The following CCDC85A variants were observed in gnomAD, a reference collection of about 807,000 sequenced individuals.
The protein encoded by CCDC85A is coiled-coil domain-containing protein 85A.
Under a neutral mutation model 50.2 loss-of-function variants are expected in CCDC85A, and 38 were observed. The ratio of observed to expected loss-of-function variants is 0.76; its 90% confidence interval spans 0.58 to 0.99. The LOEUF is 0.99. Ranked by LOEUF, CCDC85A falls within the 50% of genes least tolerant of loss-of-function variation. The pLI is 0.00. For synonymous variants in CCDC85A, 366 were observed against 301.4 expected, an observed-to-expected ratio of 1.21 and a Z score of -2.22; for missense variants, 820 against 742.0, an observed-to-expected ratio of 1.11 and a Z score of -1.22.
intron 2 of CCDC85A, among the ~76,000 whole-genome samples, chr2:56,338,798 A>T: frequency 6.6e-6 from 1 of 151,616 alleles, no homozygotes; most frequent in Admixed American, 6.6e-5. Flanking sequence ...GGCTTTTCCT[A>T]TAGGGGCTTG....
intron 5 of CCDC85A, among the ~76,000 whole-genome samples, chr2:56,382,281 GT>G (rs1676623211): frequency 2.0e-5 from 3 of 151,894 alleles, no homozygotes; most frequent in African/African-American, 7.2e-5. Flanking sequence ...GAAAAATAAA[GT>G]TTTCCCATAA....
chr2:56,261,793 G>A (rs1316711022), intron 2 of CCDC85A, among the ~76,000 whole-genome samples: 2 of 152,156 alleles, frequency 1.3e-5, no homozygotes, highest in African/African-American at 4.8e-5. Flanking sequence ...TGGTTGGAGG[G>A]TGCAAATTGT....
intron 2 of CCDC85A, among the ~76,000 whole-genome samples, chr2:56,293,477 T>A (rs1371601063): frequency 1.3e-5 from 2 of 151,978 alleles, no homozygotes; most frequent in Admixed American, 1.3e-4. Context: ...AATTGACAAA[T>A]GGGATCTAAT....
At chr2:56,292,701 C>G (rs1313360374) in intron 2 of CCDC85A, among the ~76,000 whole-genome samples, 1 of 152,106 alleles carries the variant, frequency 6.6e-6, no homozygotes, top group Non-Finnish European at 1.5e-5. Context: ...GGACATGAGA[C>G]CCCTGGATAT....
chr2:56,235,682 A>G (rs534301660), intron 2 of CCDC85A, among the ~76,000 whole-genome samples: 1 of 152,230 alleles, frequency 6.6e-6, no homozygotes, highest in Non-Finnish European at 1.5e-5. Flanking sequence ...CAGAGGAAAA[A>G]GACATGCACA....
chr2:56,364,338 T>TA (rs1015250517), intron 3 of CCDC85A, among the ~76,000 whole-genome samples: 1 of 151,922 alleles, frequency 6.6e-6, no homozygotes, highest in Non-Finnish European at 1.5e-5. Context: ...CGTTTTATTT[T>TA]TTCTGGGAAC....
intron 2 of CCDC85A, among the ~76,000 whole-genome samples, chr2:56,227,365 T>G (rs761702257): frequency 2.0e-5 from 3 of 152,364 alleles, no homozygotes; most frequent in Middle Eastern, 3.4e-3. Context: ...TGTTTTCAGA[T>G]TTTAAAAATA....
chr2:56,188,909 T>A (rs1035157620), intron 1 of CCDC85A, among the ~76,000 whole-genome samples: 1 of 152,222 alleles, frequency 6.6e-6, no homozygotes, highest in African/African-American at 2.4e-5. Flanking sequence ...ACTTTTGGAA[T>A]AGACCCTGCT....
At chr2:56,224,088 G>A (rs937867241) in intron 2 of CCDC85A, among the ~76,000 whole-genome samples, 1 of 152,092 alleles carries the variant, frequency 6.6e-6, no homozygotes, top group African/African-American at 2.4e-5. Flanking sequence ...AATATCATTT[G>A]CATTTAACCC....
chr2:56,317,952 T>G (rs1049373636), intron 2 of CCDC85A, among the ~76,000 whole-genome samples: 1 of 152,156 alleles, frequency 6.6e-6, no homozygotes, highest in South Asian at 2.1e-4. Context: ...TCTTTATTCT[T>G]GTAGTAAAGG....
At chr2:56,292,877 A>G (rs1671781009) in intron 2 of CCDC85A, among the ~76,000 whole-genome samples, 1 of 152,242 alleles carries the variant, frequency 6.6e-6, no homozygotes, top group Non-Finnish European at 1.5e-5. Context: ...GTGCAAACCT[A>G]TATTGGCATC....
intron 5 of CCDC85A, among the ~76,000 whole-genome samples, chr2:56,382,831 A>G (rs1676653860): frequency 6.6e-6 from 1 of 151,978 alleles, no homozygotes; most frequent in Non-Finnish European, 1.5e-5. Flanking sequence ...TATCCGTGTA[A>G]GGTCCTTAAG....
intron 2 of CCDC85A, among the ~76,000 whole-genome samples, chr2:56,254,593 T>C (rs1420967900): frequency 1.3e-5 from 2 of 152,216 alleles, no homozygotes; most frequent in Non-Finnish European, 2.9e-5. Flanking sequence ...TGGGTTTTAA[T>C]GGTGAACTAA....
chr2:56,185,176 C>T (rs1558571900), intron 1 of CCDC85A, among the ~76,000 whole-genome samples: 2 of 152,172 alleles, frequency 1.3e-5, no homozygotes, highest in South Asian at 2.1e-4. Flanking sequence ...GTGAAGGGCA[C>T]GCGAACCTTT....
chr2:56,311,530 C>T (rs1027122479), intron 2 of CCDC85A, among the ~76,000 whole-genome samples: 2 of 151,206 alleles, frequency 1.3e-5, no homozygotes, highest in African/African-American at 4.9e-5. Flanking sequence ...AGGTTTGTTA[C>T]ATATGTATAC....
intron 4 of CCDC85A, among the ~76,000 whole-genome samples, chr2:56,374,820 C>G (rs1490654548): frequency 6.6e-6 from 1 of 152,186 alleles, no homozygotes; most frequent in African/African-American, 2.4e-5. Context: ...ATATTCCAAA[C>G]TACCGTTGTT....
At chr2:56,233,513 C>A (rs1668865746) in intron 2 of CCDC85A, among the ~76,000 whole-genome samples, 1 of 152,154 alleles carries the variant, frequency 6.6e-6, no homozygotes. Flanking sequence ...TGAAAATAAA[C>A]TGTAGCCAAT....
At position 56,365,441 on chromosome 2, in the gene CCDC85A, C is replaced by T. The variant is rs79831445; in HGVS notation, c.1318-6903C>T. ...TAACATGCTTCTAATCCAGTTCCTT[C>T]GAAGGCTGCTGAGCTATTCCAACCA... On this transcript the variant is annotated intron_variant, in intron 3 of 5. Transcript: ENST00000407595. Among the ~76,000 whole-genome samples, 560 of 152,210 alleles carry T rather than the reference C, an allele frequency of 3.7e-3. 3 individuals are homozygous for T. Among genetic ancestry groups the T allele is most frequent in the African/African-American group, 0.013 (530 of 41,556 alleles).
At chr2:56,373,021 T>C (rs1676158768) in intron 4 of CCDC85A, among the ~76,000 whole-genome samples, 1 of 152,236 alleles carries the variant, frequency 6.6e-6, no homozygotes, top group African/African-American at 2.4e-5. Flanking sequence ...AATTGAACCC[T>C]CATAATTCTC....
Sources: gnomAD v4.1 joint callset for allele counts (sites outside exome capture counted in the v4.1 genomes callset) on GRCh38, gnomAD v4.1.1 for gene constraint, MANE v1.5 for transcripts, NCBI Gene and HGNC (gene_info 2026-07-23, HGNC 2026-07-21) for gene names.